Variants in TP63 observed in about 807,000 individuals in gnomAD.
TP63 encodes the protein tumor protein 63.
TP63 carries 17 observed loss-of-function variants against 82.8 expected under a neutral mutation model. The observed-to-expected ratio is 0.21, with a 90% confidence interval of 0.14 to 0.31. The LOEUF (loss-of-function observed/expected upper bound fraction) is 0.31. TP63 is among the 10% of genes least tolerant of loss of function. The pLI is 1.00. For missense variants in TP63, 648 were observed against 895.3 expected (o/e 0.72, Z 3.52); for synonymous variants, 330 against 321.7 (o/e 1.03, Z -0.28).
At chr3:189,879,944 A>G in intron 10 of TP63, 1 of 1,313,900 alleles carries the variant, frequency 7.6e-7, no homozygotes, top group Non-Finnish European at 9.9e-7. Flanking sequence ...CTTTTCAGGC[A>G]CTCTATTCTG....
chr3:189,738,891 G>A (rs993821400), intron 3 of TP63, 117 bp downstream of exon 3: 3 of 1,443,374 alleles, frequency 2.1e-6, no homozygotes, highest in Non-Finnish European at 2.8e-6. Flanking sequence ...AAGGCCTTTG[G>A]GAAGAGAGTC....
At chr3:189,686,219 G>T (rs1358088662) in intron 1 of TP63, among the ~76,000 whole-genome samples, 1 of 148,436 alleles carries the variant, frequency 6.7e-6, no homozygotes, top group Non-Finnish European at 1.5e-5. Context: ...ACTAATTTTT[G>T]AGTTTGTCCC....
intron 12 of TP63, 95 bp downstream of exon 12, chr3:189,889,579 G>C: frequency 6.5e-7 from 1 of 1,537,524 alleles, no homozygotes; most frequent in East Asian, 2.3e-5. Flanking sequence ...AGTTGGAAGG[G>C]AAGACAGCAG....
chr3:189,775,101 TC>T (rs1048446482), intron 3 of TP63, among the ~76,000 whole-genome samples: 18 of 151,634 alleles, frequency 1.2e-4, no homozygotes, highest in Admixed American at 1.2e-3. Flanking sequence ...GCACCTATAG[TC>T]CCAGCTCCTT....
chr3:189,621,683 A>G, the TP63 span, among the ~76,000 whole-genome samples: 34 of 152,180 alleles, frequency 2.2e-4, no homozygotes, highest in South Asian at 6.8e-3. Flanking sequence ...CTCTCTATGT[A>G]TACTCAGGGT....
At chr3:189,678,688 C>G (rs971061342) in intron 1 of TP63, among the ~76,000 whole-genome samples, 5 of 151,886 alleles carry the variant, frequency 3.3e-5, no homozygotes, top group African/African-American at 1.2e-4. Context: ...ATGGTCATAT[C>G]AATGATATTG....
At chr3:189,885,891 A>T (rs1460658338) in intron 10 of TP63, among the ~76,000 whole-genome samples, 1 of 152,200 alleles carries the variant, frequency 6.6e-6, no homozygotes, top group Non-Finnish European at 1.5e-5. Flanking sequence ...TGAGCTGCCA[A>T]ATGCCCAGTT....
At chr3:189,890,322 A>C (rs952515418) in intron 12 of TP63, among the ~76,000 whole-genome samples, 1 of 152,220 alleles carries the variant, frequency 6.6e-6, no homozygotes, top group African/African-American at 2.4e-5. Flanking sequence ...ATAAATCAAA[A>C]GGCATGAATG....
chr3:189,788,811 A>T (rs1035806356), intron 3 of TP63, among the ~76,000 whole-genome samples: 48 of 152,008 alleles, frequency 3.2e-4, no homozygotes, highest in Non-Finnish European at 1.5e-4. Context: ...TTATTCCACT[A>T]ATCATTTACA....
intron 1 of TP63, among the ~76,000 whole-genome samples, chr3:189,682,891 AT>A (rs1716103383): frequency 1.3e-5 from 2 of 152,098 alleles, no homozygotes. Context: ...TGGAGTCTCC[AT>A]TTCTGAATTA....
At chr3:189,860,690 A>C (rs2108787357) in intron 4 of TP63, among the ~76,000 whole-genome samples, 1 of 152,326 alleles carries the variant, frequency 6.6e-6, no homozygotes, top group South Asian at 2.1e-4. Flanking sequence ...CTCACCACTA[A>C]AATTGGAAAA....
At chr3:189,755,646 A>G (rs561496075) in intron 3 of TP63, among the ~76,000 whole-genome samples, 36 of 152,272 alleles carry the variant, frequency 2.4e-4, no homozygotes, top group African/African-American at 8.7e-4. Context: ...CTATATGCTT[A>G]GAAGTGTAAT....
intron 1 of TP63, among the ~76,000 whole-genome samples, chr3:189,720,634 T>C (rs1219189659): frequency 1.3e-5 from 2 of 150,100 alleles, no homozygotes; most frequent in Non-Finnish European, 2.9e-5. Flanking sequence ...CTCAGGAGGC[T>C]GAGGCAGGAT....
intron 4 of TP63, among the ~76,000 whole-genome samples, chr3:189,858,230 C>T (rs1200948299): frequency 2.5e-5 from 1 of 39,326 alleles, no homozygotes; most frequent in African/African-American, 1.4e-4. Flanking sequence ...ACGGTGAAAC[C>T]CCGTCTCTAC....
At chr3:189,851,824 G>GTTCC (rs886406045) in intron 4 of TP63, among the ~76,000 whole-genome samples, 1 of 152,070 alleles carries the variant, frequency 6.6e-6, no homozygotes, top group African/African-American at 2.4e-5. Flanking sequence ...GAAGGTGAAA[G>GTTCC]TTCCATGGCA....
chr3:189,683,107 G>T (rs77920414), intron 1 of TP63, among the ~76,000 whole-genome samples: 2,377 of 152,266 alleles, frequency 0.016, 30 homozygotes, highest in Non-Finnish European at 0.023. Flanking sequence ...AAGTGGCAAG[G>T]TTGAGATATA....
the TP63 span, among the ~76,000 whole-genome samples, chr3:189,624,851 G>A: frequency 6.6e-6 from 1 of 151,890 alleles, no homozygotes; most frequent in East Asian, 1.9e-4. Context: ...CAACACACAT[G>A]GGCAGGAGGT....
At chr3:189,645,171 A>T (rs1712299625) in intron 1 of TP63, among the ~76,000 whole-genome samples, 2 of 152,194 alleles carry the variant, frequency 1.3e-5, no homozygotes, top group African/African-American at 4.8e-5. Context: ...CTTACTTTCA[A>T]ACTTGAAGGG....
In TP63 at chr3:189,894,542, C is replaced by T. The variant is rs1721331947; in HGVS notation, c.*40C>T. On this transcript the variant is annotated 3_prime_UTR_variant, in exon 14 of 14. Transcript: ENST00000264731. ...GCTCTTCCTATCCCTCTCCTAACTG[C>T]CAGCCCCCTAAAAGCACTCCTGCTT... 1.2e-6 allele frequency: 2 copies of T among 1,608,142 alleles called. No homozygotes were observed. The highest frequency in any genetic ancestry group is 2.1e-4 in the Middle Eastern group (1 of 4,660).
Sources: gnomAD v4.1 joint callset for allele counts (sites outside exome capture counted in the v4.1 genomes callset) on GRCh38, gnomAD v4.1.1 for gene constraint, MANE v1.5 for transcripts, NCBI Gene and HGNC (gene_info 2026-07-23, HGNC 2026-07-21) for gene names.